The following SLC35F1 variants were observed in gnomAD, a reference collection of about 807,000 sequenced individuals.
SLC35F1 encodes chromosome 6 open reading frame 169.
SLC35F1 carries 14 observed loss-of-function variants against 48.7 expected under a neutral mutation model. That is an observed-to-expected ratio of 0.29 (90% confidence interval 0.19 to 0.45). The LOEUF (loss-of-function observed/expected upper bound fraction) is 0.45, where lower values mean the gene tolerates loss of function less well. Among genes scored for constraint, SLC35F1 ranks in the 20% least tolerant of loss-of-function variants. SLC35F1 has a pLI of 1.00. For missense variants in SLC35F1, 404 were observed against 500.0 expected, an observed-to-expected ratio of 0.81 and a Z score of 1.83; for synonymous variants, 190 against 202.2, an observed-to-expected ratio of 0.94 and a Z score of 0.51.
chr6:118,146,467 T>C (rs1396645741), intron 1 of SLC35F1, among the ~76,000 whole-genome samples: 1 of 152,212 alleles, frequency 6.6e-6, no homozygotes, highest in Non-Finnish European at 1.5e-5. Context: ...TTCCCTTTCC[T>C]GTGATGACAT....
At chr6:117,939,269 AC>A (rs1363399097) in intron 1 of SLC35F1, among the ~76,000 whole-genome samples, 1 of 151,982 alleles carries the variant, frequency 6.6e-6, no homozygotes, top group Non-Finnish European at 1.5e-5. Context: ...TGTTTCCACT[AC>A]CCCACCAAGG....
intron 7 of SLC35F1, among the ~76,000 whole-genome samples, chr6:118,310,950 A>G (rs1049034119): frequency 1.1e-4 from 17 of 152,202 alleles, no homozygotes; most frequent in Admixed American, 3.3e-4. Flanking sequence ...GATCAAGTCT[A>G]AAATCATAAA....
At position 117,966,136 on chromosome 6, in the gene SLC35F1, C is replaced by CA. The variant is rs1554219354; in HGVS notation, c.173+58237_173+58238insA. The stretch of plus-strand genomic sequence containing the variant: ...GGGAATAAAAGCAGGCCACCGCCCC[C>CA]CCCCCCACTCCCGCCCCGCCCCAAG... On this transcript the variant is annotated intron_variant, in intron 1 of 7. Coordinates refer to ENST00000360388, the MANE Select transcript of SLC35F1 (RefSeq NM_001029858.4). Among the ~76,000 whole-genome samples the CA allele has an allele frequency of 7.1e-4, 100 of 141,042 alleles. 7 individuals carry two copies. The highest frequency in any genetic ancestry group is 1.9e-3 in the African/African-American group (71 of 37,800). 92.5% of individuals were successfully genotyped at this position (141,042 alleles called of 152,430 possible).
intron 7 of SLC35F1, among the ~76,000 whole-genome samples, chr6:118,305,897 C>T (rs908944280): frequency 2.3e-4 from 35 of 152,120 alleles, no homozygotes; most frequent in African/African-American, 8.4e-4. Flanking sequence ...TTATTTACCT[C>T]GTGGAGTGAC....
chr6:118,031,200 G>A (rs1222866317), intron 1 of SLC35F1, among the ~76,000 whole-genome samples: 2 of 152,050 alleles, frequency 1.3e-5, no homozygotes, highest in African/African-American at 2.4e-5. Context: ...TTCACTCTTA[G>A]TATTTTTTTT....
chr6:118,133,979 G>T (rs205975), intron 1 of SLC35F1, among the ~76,000 whole-genome samples: 121,192 of 152,204 alleles, frequency 0.8, 48,443 homozygotes, highest in South Asian at 0.9. Flanking sequence ...TTGCTACCTT[G>T]CTTTCTCAGA....
intron 1 of SLC35F1, among the ~76,000 whole-genome samples, chr6:118,000,878 A>T (rs1309723353): frequency 6.6e-6 from 1 of 152,172 alleles, no homozygotes; most frequent in Non-Finnish European, 1.5e-5. Context: ...AATACCTAGG[A>T]ATCCAACTTA....
At chr6:118,183,429 A>T (rs1411683777) in intron 2 of SLC35F1, among the ~76,000 whole-genome samples, 2 of 152,184 alleles carry the variant, frequency 1.3e-5, no homozygotes, top group Non-Finnish European at 2.9e-5. Flanking sequence ...AGCATGGCAC[A>T]TGTATACATA....
At chr6:117,966,176 T>A (rs964734535) in intron 1 of SLC35F1, among the ~76,000 whole-genome samples, 23 of 120,852 alleles carry the variant, frequency 1.9e-4, no homozygotes, top group African/African-American at 7.1e-4. Flanking sequence ...AGCGGTACCC[T>A]GCTGGGGTCC....
intron 1 of SLC35F1, among the ~76,000 whole-genome samples, chr6:118,136,163 G>A (rs1247687846): frequency 6.6e-6 from 1 of 152,132 alleles, no homozygotes; most frequent in Non-Finnish European, 1.5e-5. Context: ...AACTGGCCAT[G>A]GTGTACAGCA....
intron 2 of SLC35F1, among the ~76,000 whole-genome samples, chr6:118,192,480 G>A (rs1774745171): frequency 6.6e-6 from 1 of 152,018 alleles, no homozygotes; most frequent in Non-Finnish European, 1.5e-5. Flanking sequence ...CCATATTCTA[G>A]GATTTTCCTT....
intron 1 of SLC35F1, among the ~76,000 whole-genome samples, chr6:118,077,432 A>G (rs761519839): frequency 1.3e-5 from 2 of 152,268 alleles, no homozygotes; most frequent in Non-Finnish European, 2.9e-5. Context: ...AGACAGGGAA[A>G]TACCCTTTGA....
chr6:118,047,924 T>G (rs1772324110), intron 1 of SLC35F1, among the ~76,000 whole-genome samples: 1 of 152,258 alleles, frequency 6.6e-6, no homozygotes, highest in East Asian at 1.9e-4. Context: ...CTATGTTGAA[T>G]AGGAGTGGTG....
In SLC35F1 at chr6:118,039,799, G is replaced by GTT. The variant is rs149879230; in HGVS notation, c.174-114639_174-114638dup. Among the ~76,000 whole-genome samples, 467 of 106,708 alleles carry GTT rather than the reference G, an allele frequency of 4.4e-3. 35 individuals are homozygous for GTT. Among genetic ancestry groups the GTT allele is most frequent in the Middle Eastern group, 0.015 (2 of 134 alleles). The allele number at this position is 106,708 out of a possible 152,430, so 70.0% of individuals were successfully genotyped here. On this transcript the variant is annotated intron_variant, in intron 1 of 7. Transcript: ENST00000360388. ...TTTAACATCTAAGCATCTCAGGATT[G>GTT]TTTTTTTTGTTTTTTTTTTTTGCTT...
At chr6:118,008,726 C>G (rs1777206817) in intron 1 of SLC35F1, among the ~76,000 whole-genome samples, 1 of 152,166 alleles carries the variant, frequency 6.6e-6, no homozygotes, top group South Asian at 2.1e-4. Flanking sequence ...CCAGATTAGA[C>G]CTAAGCAGAT....
intron 5 of SLC35F1, among the ~76,000 whole-genome samples, chr6:118,276,610 G>A (rs1775921304): frequency 6.6e-6 from 1 of 152,156 alleles, no homozygotes; most frequent in African/African-American, 2.4e-5. Flanking sequence ...GCATTTTAAA[G>A]CTCCTAAATT....
chr6:118,268,600 A>ATAT (rs1562345482), intron 4 of SLC35F1, among the ~76,000 whole-genome samples: 9 of 87,880 alleles, frequency 1.0e-4, no homozygotes, highest in Non-Finnish European at 1.9e-4. Context: ...ATATATATAT[A>ATAT]TTTTTTTTTT....
chr6:118,144,018 G>A (rs1773932658), intron 1 of SLC35F1, among the ~76,000 whole-genome samples: 1 of 152,126 alleles, frequency 6.6e-6, no homozygotes, highest in Non-Finnish European at 1.5e-5. Flanking sequence ...TTCAACCATT[G>A]TGGAAGACAG....
chr6:117,998,838 T>C (rs1042004375), intron 1 of SLC35F1: 7 of 538,222 alleles, frequency 1.3e-5, no homozygotes, highest in South Asian at 1.0e-4. Context: ...GATCCAAAAT[T>C]GACACCCTAA....
Sources: allele counts gnomAD v4.1 joint callset (sites outside exome capture counted in the v4.1 genomes callset), GRCh38; gene constraint gnomAD v4.1.1; transcripts MANE v1.5; gene names NCBI Gene and HGNC (gene_info 2026-07-23, HGNC 2026-07-21).